TBC1D30: variants seen among roughly 807,000 people sequenced by gnomAD.
TBC1D30 encodes the protein TBC1 domain family, member 30.
A neutral mutation model predicts 63.2 loss-of-function variants in TBC1D30; 31 were observed. The observed-to-expected ratio is 0.49, with a 90% CI of 0.37 to 0.66. TBC1D30 has a LOEUF of 0.66. TBC1D30 is among the 30% of genes least tolerant of loss of function. The pLI is 0.00. For missense variants in TBC1D30, 810 were observed against 953.6 expected (o/e 0.85, Z 1.98); for synonymous variants, 307 against 361.5 (o/e 0.85, Z 1.71).
intron 1 of TBC1D30, among the ~76,000 whole-genome samples, chr12:64,783,411 A>G (rs1401026056): frequency 6.6e-6 from 1 of 152,214 alleles, no homozygotes; most frequent in Non-Finnish European, 1.5e-5. Flanking sequence ...TGAGAATTAC[A>G]TAAGTTAGAG....
chr12:64,835,553 G>A (rs1307758170), intron 5 of TBC1D30, among the ~76,000 whole-genome samples: 1 of 152,062 alleles, frequency 6.6e-6, no homozygotes, highest in African/African-American at 2.4e-5. Context: ...GGTCTTTTAG[G>A]GAATGGGTCA....
intron 1 of TBC1D30, among the ~76,000 whole-genome samples, chr12:64,761,848 T>C (rs1336164258): frequency 2.6e-5 from 4 of 152,236 alleles, no homozygotes; most frequent in Non-Finnish European, 5.9e-5. Flanking sequence ...AATTCTTCCT[T>C]GCTCGAGATC....
chr12:64,827,739 T>C lies in TBC1D30; in HGVS notation c.155-96T>C, dbSNP rs867102349. On this transcript the variant is annotated intron_variant, in intron 1 of 11. Transcript: ENST00000539867. ...TAAAGATACATACTTTAAAAAAAAT[T>C]GTGATGATTCAGTAGAATCAAGCTT... is the stretch of plus-strand genomic sequence containing the variant. The C allele has an allele frequency of 5.2e-5, 46 of 881,180 alleles. 1 individual carries two copies. In the Middle Eastern group the frequency reaches 1.0e-3, roughly 20 times the overall value. 54.6% of individuals were successfully genotyped at this position (881,180 alleles called of 1,614,324 possible).
rs1201461091 is a variant in TBC1D30 at position 64,879,395 on chromosome 12, C to A, written c.*3607C>A. On this transcript the variant is annotated 3_prime_UTR_variant, in exon 12 of 12. Coordinates refer to ENST00000539867, the MANE Select transcript of TBC1D30 (RefSeq NM_015279.2). ...ATCCTGTTACATGTATGTACATAGC[C>A]CGAATTATTTTCTTAGGATATGCGT... The A allele has an allele frequency of 1.3e-5, 2 of 152,130 alleles. No homozygotes were observed. The highest frequency in any genetic ancestry group is 2.9e-5 in the Non-Finnish European group (2 of 68,030). The allele number at this position is 152,130 out of a possible 1,614,324, so 9.4% of individuals were successfully genotyped here.
rs150776215 is a variant in TBC1D30 at position 64,792,864 on chromosome 12, A to G, written c.643+6819A>G. 8.6e-3 allele frequency among the ~76,000 whole-genome samples: 1,309 copies of G among 152,250 alleles called. 18 individuals are homozygous for G. The highest frequency in any genetic ancestry group is 0.03 in the African/African-American group (1,245 of 41,542). ...GCTGGGATTACAGGCATGAACTACTATGCCCAGCCTAGGCTAGTTATGGAA... is the reference window on the plus strand; with the variant it reads ...GCTGGGATTACAGGCATGAACTACTGTGCCCAGCCTAGGCTAGTTATGGAA... On this transcript the variant is annotated intron_variant, in intron 2 of 12. Coordinates refer to the TBC1D30 transcript ENST00000542120.
chr12:64,857,256 A>G (rs1015670115), intron 8 of TBC1D30, among the ~76,000 whole-genome samples: 2 of 152,016 alleles, frequency 1.3e-5, no homozygotes, highest in African/African-American at 4.8e-5. Flanking sequence ...TACTCCCTGG[A>G]TATTGCTGGT....
intron 2 of TBC1D30, among the ~76,000 whole-genome samples, chr12:64,787,681 G>T (rs1253424146): frequency 6.6e-6 from 1 of 152,088 alleles, no homozygotes; most frequent in Non-Finnish European, 1.5e-5. Context: ...ATTGCTGTTT[G>T]TTATCCCTAA....
chr12:64,775,181 A>C (rs1027288034), intron 1 of TBC1D30, among the ~76,000 whole-genome samples: 4 of 151,976 alleles, frequency 2.6e-5, no homozygotes, highest in Admixed American at 6.6e-5. Context: ...AACACACTGT[A>C]GTACACAAAG....
At chr12:64,867,050 G>T in intron 10 of TBC1D30, 147 bp downstream of exon 10, 1 of 906,218 alleles carries the variant, frequency 1.1e-6, no homozygotes, top group East Asian at 2.7e-5. Flanking sequence ...GGTGGGTCAT[G>T]CCTGTAAGCC....
chr12:64,859,020 C>CTGTGTG, intron 8 of TBC1D30, among the ~76,000 whole-genome samples: 1 of 147,972 alleles, frequency 6.8e-6, no homozygotes, highest in East Asian at 2.0e-4. Flanking sequence ...TTTGACTAGG[C>CTGTGTG]TGTGTGTGTG....
At chr12:64,826,940 G>A (rs1874411993) in intron 1 of TBC1D30, among the ~76,000 whole-genome samples, 1 of 152,074 alleles carries the variant, frequency 6.6e-6, no homozygotes, top group Non-Finnish European at 1.5e-5. Flanking sequence ...CAGTCTACTT[G>A]ATTACTTACT....
chr12:64,826,451 A>G (rs1461500821), intron 1 of TBC1D30, among the ~76,000 whole-genome samples: 3 of 152,054 alleles, frequency 2.0e-5, no homozygotes, highest in African/African-American at 7.2e-5. Context: ...CGCGGGACCG[A>G]ATTTCCTGGT....
chr12:64,830,324 G>A (rs916606595), intron 3 of TBC1D30, 53 bp from the exon 4 acceptor site: 7 of 1,463,342 alleles, frequency 4.8e-6, no homozygotes, highest in Non-Finnish European at 6.4e-6. Flanking sequence ...TCTAATAAAG[G>A]TGAAGTTATA....
rs573049404 is a variant in TBC1D30, at chr12:64,866,847, G to A, written c.1235G>A (p.Gly412Glu). The stretch of plus-strand genomic sequence containing the variant: ...GTCGTTAATGCAGTGGGGTGTCTTG[G>A]ACCTTTTAGTGGGTTCCTGGCTCCT... ...DAVVNAVGCL[G>E]PFSGFLAPEL... The change falls in exon 10 of 12, where the codon GGA becomes GAA. Residue 412 changes from glycine (G) to glutamate (E), a missense_variant. Gly to Glu is a moderately conservative substitution (Grantham distance 98). Transcript: ENST00000539867. 3 of 1,536,364 alleles carry A rather than the reference G, an allele frequency of 2.0e-6. No individual in the cohort carries two copies. The highest frequency in any genetic ancestry group is 2.4e-5 in the East Asian group (1 of 40,918).
chr12:64,820,549 AG>A (rs1873830330), upstream of TBC1D30, among the ~76,000 whole-genome samples: 1 of 152,210 alleles, frequency 6.6e-6, no homozygotes, highest in African/African-American at 2.4e-5. Context: ...ATTCAGCATA[AG>A]TCATAACCAT....
At chr12:64,846,031 T>G (rs1876348537) in intron 8 of TBC1D30, among the ~76,000 whole-genome samples, 1 of 151,916 alleles carries the variant, frequency 6.6e-6, no homozygotes, top group South Asian at 2.1e-4. Flanking sequence ...TATTCAGATC[T>G]TTTGCCCATT....
intron 1 of TBC1D30, among the ~76,000 whole-genome samples, chr12:64,770,739 C>G (rs1018500756): frequency 7.3e-5 from 11 of 150,794 alleles, no homozygotes; most frequent in Non-Finnish European, 1.3e-4. Flanking sequence ...GAGTCTTGCT[C>G]TGTCGCCAGG....
At chr12:64,767,827 A>G (rs1870776182) in intron 1 of TBC1D30, among the ~76,000 whole-genome samples, 1 of 149,088 alleles carries the variant, frequency 6.7e-6, no homozygotes, top group Admixed American at 6.7e-5. Flanking sequence ...CTCTATGAAA[A>G]TTTAGAAACT....
At chr12:64,861,144 C>A (rs1028344925) in intron 8 of TBC1D30, among the ~76,000 whole-genome samples, 2 of 152,204 alleles carry the variant, frequency 1.3e-5, no homozygotes, top group Non-Finnish European at 2.9e-5. Flanking sequence ...AGCATCCCTC[C>A]TGTCGAGGAA....
Sources: gnomAD v4.1 joint callset for allele counts (sites outside exome capture counted in the v4.1 genomes callset) on GRCh38, gnomAD v4.1.1 for gene constraint, MANE v1.5 for transcripts, NCBI Gene and HGNC (gene_info 2026-07-23, HGNC 2026-07-21) for gene names.